The following AFF4 variants were observed in gnomAD, a reference collection of about 807,000 sequenced individuals.
AFF4 encodes the protein AF4/FMR2 family member 4.
In AFF4, 13 loss-of-function variants were observed where a neutral mutation model predicts 124.8. The ratio of observed to expected loss-of-function variants is 0.10; its 90% CI spans 0.07 to 0.17. AFF4 has a LOEUF of 0.17. Ranked by LOEUF, AFF4 falls within the 10% of genes least tolerant of loss-of-function variation. The pLI is 1.00. For synonymous variants in AFF4, 477 were observed against 496.1 expected (o/e 0.96, Z 0.51); for missense variants, 1,092 against 1,403.8 (o/e 0.78, Z 3.55).
intron 5 of AFF4, among the ~76,000 whole-genome samples, chr5:132,922,406 CTTGTCTTAAAAAG>C (rs1761068325): frequency 6.6e-6 from 1 of 151,378 alleles, no homozygotes; most frequent in Non-Finnish European, 1.5e-5. Context: ...CAACAGAGAC[CTTGTCTTAAAAAG>C]AAAGAAATAA....
intron 6 of AFF4, chr5:132,903,817 G>GA (rs1760608886): frequency 1.3e-5 from 2 of 152,234 alleles, no homozygotes; most frequent in Non-Finnish European, 2.9e-5. Flanking sequence ...TTGAGTTTAC[G>GA]AGGTGCCCAT....
rs1760633015 is a variant in AFF4, at chr5:132,904,816, C to T, written c.1051-412G>A. The stretch of plus-strand genomic sequence containing the variant: ...GAAGTATACCACTTTTTTGGGAGGC[C>T]GAGGCTGGCGGATCATGAGGTCAGG... On this transcript the variant is annotated intron_variant, in intron 5 of 20. Coordinates refer to ENST00000265343, the MANE Select transcript of AFF4 (RefSeq NM_014423.4). Among the ~76,000 whole-genome samples, 4 of 151,738 alleles carry T rather than the reference C, an allele frequency of 2.6e-5. 1 individual carries two copies. In the South Asian group the frequency reaches 8.3e-4, roughly 32 times the overall value.
At position 132,927,990 on chromosome 5, in the gene AFF4, G is replaced by A. The variant is rs1035493203; in HGVS notation, c.964-783C>T. Among the ~76,000 whole-genome samples, 8 of 152,272 alleles carry A rather than the reference G, an allele frequency of 5.3e-5. 1 individual carries two copies. Among genetic ancestry groups the A allele is most frequent in the East Asian group, 3.9e-4 (2 of 5,180 alleles). On this transcript the variant is annotated intron_variant, in intron 4 of 20. Transcript: ENST00000265343. The stretch of plus-strand genomic sequence containing the variant: ...AGACAGAAGTATCAGAATAAGGAGA[G>A]AGTATATTATTTCTGGCATTTAGTT...
At chr5:132,933,547 A>C (rs1210145714) in intron 3 of AFF4, among the ~76,000 whole-genome samples, 1 of 152,334 alleles carries the variant, frequency 6.6e-6, no homozygotes, top group South Asian at 2.1e-4. Context: ...CATCTTGAAA[A>C]AAAAAGATAT....
At chr5:132,927,776 T>C (rs1302929682) in intron 4 of AFF4, among the ~76,000 whole-genome samples, 1 of 152,196 alleles carries the variant, frequency 6.6e-6, no homozygotes, top group East Asian at 1.9e-4. Flanking sequence ...ATAGAGCCTA[T>C]ATATACTCGT....
intron 7 of AFF4, among the ~76,000 whole-genome samples, chr5:132,902,050 ATTTT>A (rs763749766): frequency 1.3e-5 from 2 of 151,956 alleles, no homozygotes; most frequent in Non-Finnish European, 2.9e-5. Context: ...TATTTCTTTT[ATTTT>A]TTAATTTTTC....
In AFF4 at chr5:132,928,533, T is replaced by C. The variant is rs184599699; in HGVS notation, c.964-1326A>G. ...TTGTCTCTCTTTACCTCTTTGAATA[T>C]GACCATAGACTACTATGGCACATGT... On this transcript the variant is annotated intron_variant, in intron 4 of 20. Coordinates refer to ENST00000265343, the MANE Select transcript of AFF4 (RefSeq NM_014423.4). Among the ~76,000 whole-genome samples, 621 of 152,332 alleles carry C rather than the reference T, an allele frequency of 4.1e-3. 5 individuals are homozygous for C. Among genetic ancestry groups the C allele is most frequent in the Non-Finnish European group, 5.6e-3 (381 of 68,006 alleles).
chr5:132,896,293 C>T (rs1760392974), intron 11 of AFF4, 30 bp downstream of exon 11: 2 of 1,541,622 alleles, frequency 1.3e-6, no homozygotes, highest in Admixed American at 2.2e-5. Context: ...TCTGATGTTT[C>T]AAAACAAACA....
intron 5 of AFF4, among the ~76,000 whole-genome samples, chr5:132,918,945 A>T (rs1209043289): frequency 6.6e-6 from 1 of 150,618 alleles, no homozygotes; most frequent in Non-Finnish European, 1.5e-5. Context: ...GAGCACACGC[A>T]ATGGCATCAT....
At chr5:132,941,400 C>T (rs1761565634) in intron 1 of AFF4, among the ~76,000 whole-genome samples, 1 of 152,122 alleles carries the variant, frequency 6.6e-6, no homozygotes, top group African/African-American at 2.4e-5. Context: ...GTGGCACAAT[C>T]TCAGCTCACT....
chr5:132,935,380 C>T (rs111381887), intron 2 of AFF4, among the ~76,000 whole-genome samples: 17,545 of 152,200 alleles, frequency 0.12, 1,281 homozygotes, highest in South Asian at 0.2. Flanking sequence ...AATCCCAGCA[C>T]TTTGGGAGGC....
At chr5:132,941,232 T>C (rs1017799159) in intron 1 of AFF4, among the ~76,000 whole-genome samples, 3 of 152,152 alleles carry the variant, frequency 2.0e-5, no homozygotes, top group African/African-American at 4.8e-5. Context: ...AACGTTAACA[T>C]GAAATTTAAA....
chr5:132,902,160 G>C (rs1241980638), intron 7 of AFF4, among the ~76,000 whole-genome samples: 2 of 152,092 alleles, frequency 1.3e-5, no homozygotes, highest in African/African-American at 4.8e-5. Context: ...TAATTCTCCT[G>C]CCTCAGCCTT....
chr5:132,933,084 T>C (rs572214407), intron 3 of AFF4, among the ~76,000 whole-genome samples: 20 of 152,334 alleles, frequency 1.3e-4, no homozygotes, highest in African/African-American at 4.8e-4. Flanking sequence ...TTTTTTTTTA[T>C]TGCACAAACT....
chr5:132,957,758 TAAAC>T (rs1017335689), intron 1 of AFF4, among the ~76,000 whole-genome samples: 1 of 151,798 alleles, frequency 6.6e-6, no homozygotes, highest in East Asian at 1.9e-4. Context: ...AAAAATAAAA[TAAAC>T]AAAATTTACA....
intron 13 of AFF4, among the ~76,000 whole-genome samples, chr5:132,889,903 G>A (rs1051984344): frequency 1.3e-5 from 2 of 152,046 alleles, no homozygotes; most frequent in South Asian, 2.1e-4. Flanking sequence ...CTGAGTAGCC[G>A]GGACCATGGG....
At chr5:132,936,318 A>G (rs1013941252) in intron 2 of AFF4, among the ~76,000 whole-genome samples, 11 of 151,300 alleles carry the variant, frequency 7.3e-5, no homozygotes, top group African/African-American at 2.7e-4. Context: ...CCAGCAGATT[A>G]GCTAACATTC....
chr5:132,909,779 T>G (rs182277640), intron 5 of AFF4, among the ~76,000 whole-genome samples: 2 of 152,372 alleles, frequency 1.3e-5, no homozygotes. Context: ...ACACTGCAAC[T>G]GTGCATAAAC....
At chr5:132,913,438 C>T (rs1760838893) in intron 5 of AFF4, among the ~76,000 whole-genome samples, 2 of 152,122 alleles carry the variant, frequency 1.3e-5, no homozygotes, top group Admixed American at 1.3e-4. Flanking sequence ...CTCCACTCAA[C>T]AACAGCAGAA....
Sources: gnomAD v4.1 joint callset for allele counts (sites outside exome capture counted in the v4.1 genomes callset) on GRCh38, gnomAD v4.1.1 for gene constraint, MANE v1.5 for transcripts, NCBI Gene and HGNC (gene_info 2026-07-23, HGNC 2026-07-21) for gene names.